NRXN1: variants seen among roughly 807,000 people sequenced by gnomAD.
The protein encoded by NRXN1 is neurexin 1, also known as neurexin-1.
A neutral mutation model predicts 150.9 loss-of-function variants in NRXN1; 39 were observed. The observed-to-expected ratio is 0.26, with a 90% CI of 0.20 to 0.34. NRXN1 has a LOEUF of 0.34. NRXN1 is among the 10% of genes least tolerant of loss of function. NRXN1 has a pLI of 1.00. For synonymous variants in NRXN1, 924 were observed against 757.0 expected (o/e 1.22, Z -3.62); for missense variants, 1,815 against 1,949.9 (o/e 0.93, Z 1.30).
intron 5 of NRXN1, among the ~76,000 whole-genome samples, chr2:50,701,188 T>C (rs1693694923): frequency 6.6e-6 from 1 of 152,170 alleles, no homozygotes; most frequent in African/African-American, 2.4e-5. Context: ...TACTATCTAA[T>C]TTTTTAAAGC....
At chr2:49,944,836 T>C (rs1396103460) in intron 21 of NRXN1, among the ~76,000 whole-genome samples, 1 of 151,408 alleles carries the variant, frequency 6.6e-6, no homozygotes, top group African/African-American at 2.5e-5. Flanking sequence ...ACAGTTCTCA[T>C]TTAAAAGTGG....
chr2:50,704,053 GTCAC>G (rs1454259181), intron 5 of NRXN1, among the ~76,000 whole-genome samples: 2 of 152,082 alleles, frequency 1.3e-5, no homozygotes, highest in African/African-American at 4.8e-5. Flanking sequence ...GATTTCAGTG[GTCAC>G]TCAGCTATAT....
intron 2 of NRXN1, chr2:51,026,606 A>C: frequency 1.6e-6 from 1 of 644,082 alleles, no homozygotes; most frequent in South Asian, 1.8e-5. Flanking sequence ...TCCTTAGAAA[A>C]TCTCTTGCAA....
intron 2 of NRXN1, among the ~76,000 whole-genome samples, chr2:50,929,028 A>G (rs1687335909): frequency 6.6e-6 from 1 of 152,076 alleles, no homozygotes; most frequent in Admixed American, 6.6e-5. Context: ...GATGGGAATT[A>G]GGCACCAGAA....
At chr2:50,098,616 A>G (rs1700554013) in intron 18 of NRXN1, among the ~76,000 whole-genome samples, 1 of 152,100 alleles carries the variant, frequency 6.6e-6, no homozygotes, top group Non-Finnish European at 1.5e-5. Flanking sequence ...GGTAAGTGCC[A>G]TTGTCTCTAT....
At chr2:50,837,780 T>A (rs1262436032) in intron 5 of NRXN1, among the ~76,000 whole-genome samples, 1 of 152,144 alleles carries the variant, frequency 6.6e-6, no homozygotes, top group Non-Finnish European at 1.5e-5. Context: ...TGGTTAGAAA[T>A]GTGCTTGACA....
intron 18 of NRXN1, among the ~76,000 whole-genome samples, chr2:50,143,410 T>G (rs1480769711): frequency 6.6e-6 from 1 of 151,966 alleles, no homozygotes; most frequent in Non-Finnish European, 1.5e-5. Context: ...CAATGGATCA[T>G]GCTATCGAGG....
intron 2 of NRXN1, among the ~76,000 whole-genome samples, chr2:50,944,623 A>G (rs1397674445): frequency 6.6e-6 from 1 of 152,204 alleles, no homozygotes; most frequent in Non-Finnish European, 1.5e-5. Flanking sequence ...CTATACTTCT[A>G]TCTGGCAAAA....
At chr2:50,804,745 C>G (rs563753418) in intron 5 of NRXN1, among the ~76,000 whole-genome samples, 13 of 152,284 alleles carry the variant, frequency 8.5e-5, no homozygotes, top group Middle Eastern at 3.4e-3. Context: ...CTACTCCCAC[C>G]TCTAAGTCAA....
At chr2:50,660,331 A>G (rs1687106432) in intron 5 of NRXN1, among the ~76,000 whole-genome samples, 1 of 152,024 alleles carries the variant, frequency 6.6e-6, no homozygotes, top group East Asian at 1.9e-4. Flanking sequence ...TGCAAAGTCT[A>G]GGCTCTTAAC....
chr2:50,221,060 T>G (rs540697066), intron 18 of NRXN1, among the ~76,000 whole-genome samples: 2 of 152,152 alleles, frequency 1.3e-5, no homozygotes, highest in Admixed American at 6.6e-5. Flanking sequence ...TGTTTTGTAT[T>G]GGATACACCT....
At chr2:50,055,342 A>G (rs968080140) in intron 19 of NRXN1, among the ~76,000 whole-genome samples, 1 of 152,218 alleles carries the variant, frequency 6.6e-6, no homozygotes, top group Admixed American at 6.6e-5. Flanking sequence ...TAATAGCTTT[A>G]CAAAAAATGA....
At chr2:50,314,022 T>G (rs538887557) in intron 17 of NRXN1, among the ~76,000 whole-genome samples, 1 of 152,174 alleles carries the variant, frequency 6.6e-6, no homozygotes, top group East Asian at 1.9e-4. Context: ...TTACACACAA[T>G]TGCTCATTCA....
chr2:50,826,605 T>C (rs1236728445), intron 5 of NRXN1, among the ~76,000 whole-genome samples: 1 of 152,130 alleles, frequency 6.6e-6, no homozygotes, highest in African/African-American at 2.4e-5. Context: ...TTATGTATGT[T>C]TGTGTTTTAA....
At chr2:50,804,814 A>G (rs1667297268) in intron 5 of NRXN1, among the ~76,000 whole-genome samples, 1 of 152,186 alleles carries the variant, frequency 6.6e-6, no homozygotes, top group Non-Finnish European at 1.5e-5. Flanking sequence ...TTTACCTATC[A>G]AAACCACTTT....
intron 17 of NRXN1, among the ~76,000 whole-genome samples, chr2:50,412,343 T>A (rs895676051): frequency 1.4e-5 from 2 of 146,910 alleles, no homozygotes; most frequent in Non-Finnish European, 3.0e-5. Context: ...ATAAAAAAAA[T>A]AATAAATAAT....
At chr2:50,182,413 T>C (rs1221424521) in intron 18 of NRXN1, among the ~76,000 whole-genome samples, 1 of 152,086 alleles carries the variant, frequency 6.6e-6, no homozygotes, top group East Asian at 1.9e-4. Flanking sequence ...CTCCCACGTT[T>C]TGGATAATCT....
chr2:50,713,930 G>A (rs1428450550), intron 5 of NRXN1, among the ~76,000 whole-genome samples: 1 of 152,076 alleles, frequency 6.6e-6, no homozygotes, highest in African/African-American at 2.4e-5. Flanking sequence ...CAGTAAATCA[G>A]AGCATTGCTG....
At chr2:50,569,822 T>C (rs1670395733) in intron 8 of NRXN1, among the ~76,000 whole-genome samples, 1 of 152,188 alleles carries the variant, frequency 6.6e-6, no homozygotes. Context: ...AGACAGCCAA[T>C]GTCATCAAAA....
Sources: allele counts gnomAD v4.1 joint callset (sites outside exome capture counted in the v4.1 genomes callset), GRCh38; gene constraint gnomAD v4.1.1; transcripts MANE v1.5; gene names NCBI Gene and HGNC (gene_info 2026-07-23, HGNC 2026-07-21).